Variants in SGMS1 observed in about 807,000 individuals in gnomAD.
SGMS1 encodes phosphatidylcholine:ceramide cholinephosphotransferase 1.
A neutral mutation model predicts 46.2 loss-of-function variants in SGMS1; 13 were observed. That is an observed-to-expected ratio of 0.28 (90% CI 0.18 to 0.45). SGMS1 has a LOEUF of 0.45. SGMS1 is among the 20% of genes least tolerant of loss of function. SGMS1 has a pLI of 1.00. For missense variants in SGMS1, 324 were observed against 519.9 expected (o/e 0.62, Z 3.66); for synonymous variants, 203 against 187.8 (o/e 1.08, Z -0.66).
chr10:50,353,551 C>T (rs1327668813), intron 6 of SGMS1, among the ~76,000 whole-genome samples: 3 of 152,288 alleles, frequency 2.0e-5, no homozygotes, highest in African/African-American at 7.2e-5. Flanking sequence ...TCCTCTCTCA[C>T]CACTCCTATT....
chr10:50,500,930 G>A (rs1404957866), intron 3 of SGMS1, among the ~76,000 whole-genome samples: 1 of 152,192 alleles, frequency 6.6e-6, no homozygotes, highest in African/African-American at 2.4e-5. Flanking sequence ...ATATGGGCAT[G>A]TAATCTTAAA....
At chr10:50,412,820 C>G (rs1396259551) in intron 6 of SGMS1, among the ~76,000 whole-genome samples, 1 of 152,092 alleles carries the variant, frequency 6.6e-6, no homozygotes, top group East Asian at 1.9e-4. Context: ...TGGCTAATTC[C>G]AGACTGATAA....
At chr10:50,398,831 C>T (rs77362532) in intron 6 of SGMS1, among the ~76,000 whole-genome samples, 4,764 of 151,818 alleles carry the variant, frequency 0.031, 231 homozygotes, top group African/African-American at 0.11. Flanking sequence ...CAAGACAGTA[C>T]CCTAATATAA....
intron 2 of SGMS1, among the ~76,000 whole-genome samples, chr10:50,539,711 T>C (rs1379453419): frequency 6.6e-6 from 1 of 152,202 alleles, no homozygotes; most frequent in East Asian, 1.9e-4. Context: ...TGCCACAGAA[T>C]GATAGTAAAC....
chr10:50,483,509 C>T (rs936344768), intron 3 of SGMS1, among the ~76,000 whole-genome samples: 3 of 152,162 alleles, frequency 2.0e-5, no homozygotes, highest in Admixed American at 2.0e-4. Flanking sequence ...CAAAGATATT[C>T]AGGACTTGAA....
intron 4 of SGMS1, among the ~76,000 whole-genome samples, chr10:50,463,377 C>T (rs956835257): frequency 6.6e-6 from 1 of 152,086 alleles, no homozygotes; most frequent in Non-Finnish European, 1.5e-5. Context: ...GACATTTCTC[C>T]AAAGAAGATA....
intron 5 of SGMS1, among the ~76,000 whole-genome samples, chr10:50,459,069 T>C (rs563432436): frequency 6.6e-6 from 1 of 152,286 alleles, no homozygotes; most frequent in Non-Finnish European, 1.5e-5. Flanking sequence ...GGCAAAATCT[T>C]ATCATTCTTC....
chr10:50,429,032 C>CTGAA (rs1849365836), intron 6 of SGMS1, among the ~76,000 whole-genome samples: 1 of 152,124 alleles, frequency 6.6e-6, no homozygotes, highest in Non-Finnish European at 1.5e-5. Context: ...GAATACTGTA[C>CTGAA]TGAAAGTTAA....
At chr10:50,527,581 G>A (rs1032860638) in intron 2 of SGMS1, among the ~76,000 whole-genome samples, 6 of 152,108 alleles carry the variant, frequency 3.9e-5, no homozygotes, top group Non-Finnish European at 7.3e-5. Context: ...CTCCCTAGAC[G>A]TGTCCGCTAA....
At chr10:50,383,283 G>A (rs888667858) in intron 6 of SGMS1, among the ~76,000 whole-genome samples, 4 of 152,156 alleles carry the variant, frequency 2.6e-5, no homozygotes, top group Admixed American at 6.5e-5. Flanking sequence ...GAATAGAGCC[G>A]AAAGATCCGT....
chr10:50,530,360 A>G (rs1404407250), intron 2 of SGMS1, among the ~76,000 whole-genome samples: 1 of 152,256 alleles, frequency 6.6e-6, no homozygotes, highest in Non-Finnish European at 1.5e-5. Context: ...TAATGCTGTC[A>G]GTGTGACTGA....
At chr10:50,532,482 T>C (rs534566553) in intron 2 of SGMS1, among the ~76,000 whole-genome samples, 1 of 152,128 alleles carries the variant, frequency 6.6e-6, no homozygotes, top group South Asian at 2.1e-4. Context: ...TATTTAGAAG[T>C]TTGGTGGTGT....
chr10:50,589,588 G>A (rs1050547045), intron 2 of SGMS1, among the ~76,000 whole-genome samples: 4 of 152,102 alleles, frequency 2.6e-5, no homozygotes, highest in African/African-American at 9.7e-5. Context: ...TCCCACCTCA[G>A]CCTGCTGAAT....
intron 6 of SGMS1, among the ~76,000 whole-genome samples, chr10:50,422,237 C>T (rs1256279899): frequency 6.6e-6 from 1 of 152,134 alleles, no homozygotes; most frequent in Non-Finnish European, 1.5e-5. Flanking sequence ...CTGTATCCCC[C>T]AGGGCCTAGC....
At chr10:50,471,984 CA>C (rs1274753122) in intron 3 of SGMS1, among the ~76,000 whole-genome samples, 3 of 152,180 alleles carry the variant, frequency 2.0e-5, no homozygotes, top group Non-Finnish European at 2.9e-5. Flanking sequence ...CCAGTAAAAT[CA>C]TATTATATTT....
intron 5 of SGMS1, among the ~76,000 whole-genome samples, chr10:50,453,576 T>C (rs1837139335): frequency 6.6e-6 from 1 of 150,844 alleles, no homozygotes; most frequent in African/African-American, 2.4e-5. Context: ...ATATCAAAAA[T>C]ATGAAAGAAG....
At chr10:50,567,315 A>G (rs539440634) in intron 2 of SGMS1, among the ~76,000 whole-genome samples, 51 of 152,278 alleles carry the variant, frequency 3.3e-4, no homozygotes, top group African/African-American at 1.2e-3. Context: ...TTCAACCCAT[A>G]GCTGGTTGAA....
At chr10:50,541,539 C>T (rs1838052480) in intron 2 of SGMS1, among the ~76,000 whole-genome samples, 2 of 152,184 alleles carry the variant, frequency 1.3e-5, no homozygotes, top group Non-Finnish European at 1.5e-5. Context: ...GGCCCCCTTC[C>T]TGTGTGAATG....
chr10:50,391,348 A>T (rs1848763434), intron 6 of SGMS1, among the ~76,000 whole-genome samples: 1 of 152,224 alleles, frequency 6.6e-6, no homozygotes, highest in South Asian at 2.1e-4. Flanking sequence ...ATGATAACTT[A>T]CATGGAAACT....
Sources: allele counts gnomAD v4.1 joint callset (sites outside exome capture counted in the v4.1 genomes callset), GRCh38; gene constraint gnomAD v4.1.1; transcripts MANE v1.5; gene names NCBI Gene and HGNC (gene_info 2026-07-23, HGNC 2026-07-21).